Variants in RAX2 observed in about 807,000 individuals in gnomAD.
The protein encoded by RAX2 is retina and anterior neural fold homeobox protein 2.
Under a neutral mutation model 5.8 loss-of-function variants are expected in RAX2, and 4 were observed. That is an observed-to-expected ratio of 0.69 (90% CI 0.34 to 1.58). The LOEUF is 1.58. RAX2 is among the 40% of genes most tolerant of loss of function. The pLI, the probability that RAX2 is intolerant of heterozygous loss-of-function variation, is 0.05. For synonymous variants in RAX2, 133 were observed against 128.8 expected (o/e 1.03, Z -0.22); for missense variants, 275 against 271.4 (o/e 1.01, Z -0.09).
chr19:3,772,054 C>T, intron 1 of RAX2, 44 bp from the exon 2 acceptor site: 1 of 479,968 alleles, frequency 2.1e-6, no homozygotes, highest in Non-Finnish European at 3.9e-6. Context: ...GGATGCCCCC[C>T]CGTCAAGGAA....
At position 3,772,155 on chromosome 19, in the gene RAX2, G is replaced by A. The variant is rs886054370; in HGVS notation, c.-269+8C>T. ...ACCCAGGCCCACCAGTGCCCACCCC[G>A]CACTCACCGCCCACGGCAGCCCCTC... On this transcript the variant is annotated splice_region_variant and intron_variant, in intron 1 of 2. Transcript: ENST00000555633. 20 of 462,670 alleles carry A rather than the reference G, an allele frequency of 4.3e-5. No homozygotes were observed. Among genetic ancestry groups the A allele is most frequent in the Non-Finnish European group, 5.2e-5 (12 of 232,496 alleles). 28.7% of individuals were successfully genotyped at this position (462,670 alleles called of 1,614,324 possible).
chr19:3,771,705 C>T lies in RAX2; in HGVS notation c.38G>A (p.Gly13Asp). The T allele has an allele frequency of 2.5e-6, 4 of 1,610,324 alleles. No individual in the cohort carries two copies. Among genetic ancestry groups the T allele is most frequent in the Non-Finnish European group, 3.4e-6 (4 of 1,179,488 alleles). The change falls in exon 2 of 3, where the codon GGT becomes GAT. Residue 13 changes from glycine to aspartate, a missense_variant. Gly to Asp is a moderately conservative substitution (Grantham distance 94). Transcript: ENST00000555633. This position sits in a 1 kb window ranked among gnomAD's most constrained non-coding sequence, Gnocchi z 4.2. The stretch of plus-strand genomic sequence containing the variant: ...CTCCTCGCCCGGCCCCAGACCCCCA[C>T]CCTCGGTTGCCGGCCCCTCGCCCGG... ...LSPGEGPATEGGGLGPGEEAP... is the reference protein window; with the variant it reads ...LSPGEGPATEDGGLGPGEEAP...
rs769403788 is a variant in RAX2, at chr19:3,771,686, G to T, written c.57C>A (p.Gly19=). 1 of 1,612,154 alleles carries T rather than the reference G, an allele frequency of 6.2e-7. No individual in the cohort carries two copies. Among genetic ancestry groups the T allele is most frequent in the Non-Finnish European group, 8.5e-7 (1 of 1,179,864 alleles). The change falls in exon 2 of 3, where the codon GGC becomes GGA. Residue 19 remains glycine (G), a synonymous_variant. Coordinates refer to ENST00000555633, the MANE Select transcript of RAX2 (RefSeq NM_001319074.4). This position sits in a 1 kb window ranked among gnomAD's most constrained non-coding sequence, Gnocchi z 4.2. The stretch of plus-strand genomic sequence containing the variant: ...GGTGCTTCTTCTTGGGGGCCTCCTC[G>T]CCCGGCCCCAGACCCCCACCCTCGG... ...PATEGGGLGP[G]EEAPKKKHRR... is the part of the protein sequence containing the mutation.
At position 3,771,601 on chromosome 19, in the gene RAX2, C is replaced by A. The variant is rs770597544; in HGVS notation, c.142G>T (p.Ala48Ser). The part of the protein sequence containing the change: ...QLHQLERAFE[A>S]SHYPDVYSRE... ...CTGTACACATCCGGGTAGTGAGAGG[C>A]CTCGAACGCCCGCTCCAGCTGGTGC... Residue 48 changes from alanine (A) to serine (S), a missense_variant, in exon 2 of 3, where the codon GCC becomes TCC. Coordinates refer to ENST00000555633, the MANE Select transcript of RAX2 (RefSeq NM_001319074.4). The surrounding 1 kb of genome is among the most constrained non-coding windows in gnomAD (Gnocchi z 4.2). 6 of 1,612,090 alleles carry A rather than the reference C, an allele frequency of 3.7e-6. No homozygotes were observed. The Admixed American group carries it at 8.4e-5, about 22-fold the overall frequency.
At position 3,770,551 on chromosome 19, in the gene RAX2, G is replaced by C. The variant is rs112751250; in HGVS notation, c.*70C>G. The C allele has an allele frequency of 1.4e-6, 2 of 1,408,670 alleles. No homozygotes were observed. The highest frequency in any genetic ancestry group is 1.9e-6 in the Non-Finnish European group (2 of 1,042,124). 87.3% of individuals were successfully genotyped at this position (1,408,670 alleles called of 1,614,324 possible). A position where few individuals can be genotyped will look rare whatever the true frequency, so the allele number is the denominator to read the frequency against. On this transcript the variant is annotated 3_prime_UTR_variant, in exon 3 of 3. Transcript: ENST00000555633. ...TGACCTCGGCCTAGGCCAAGGCGTG[G>C]TGGCTGTCACCAGGGCACGTCCCCG...
Position 3,769,544 on chromosome 19 carries a change from T to G in RAX2, c.*1077A>C, listed in dbSNP as rs898071508. On this transcript the variant is annotated 3_prime_UTR_variant, in exon 3 of 3. Transcript: ENST00000555633. ...GGGTGACCTGGTGATCTGGGAGTGA[T>G]CTGGGGAGCCCAGGCTGGAGACGGG... is the stretch of plus-strand genomic sequence containing the variant. The G allele has an allele frequency of 3.3e-5, 5 of 150,612 alleles. No individual in the cohort carries two copies. Among genetic ancestry groups the G allele is most frequent in the African/African-American group, 1.3e-4 (5 of 39,734 alleles). 9.3% of individuals were successfully genotyped at this position (150,612 alleles called of 1,614,324 possible). A position where few individuals can be genotyped will look rare whatever the true frequency, so the allele number is the denominator to read the frequency against.
chr19:3,771,915 T>G lies in RAX2; in HGVS notation c.-173A>C. The stretch of plus-strand genomic sequence containing the variant: ...ATCCCCAGGCTGTCCTCCTCGGGCT[T>G]GGGGGGGTCTCCTGCTGTGCCTCTG... On this transcript the variant is annotated 5_prime_UTR_variant, in exon 2 of 3. Transcript: ENST00000555633. The surrounding 1 kb of genome is among the most constrained non-coding windows in gnomAD (Gnocchi z 4.2). The G allele has an allele frequency of 7.9e-7, 1 of 1,264,574 alleles. No individual in the cohort carries two copies. The highest frequency in any genetic ancestry group is 2.6e-5 in the East Asian group (1 of 39,000). The allele number at this position is 1,264,574 out of a possible 1,614,324, so 78.3% of individuals were successfully genotyped here. A position where few individuals can be genotyped will look rare whatever the true frequency, so the allele number is the denominator to read the frequency against.
At position 3,770,370 on chromosome 19, in the gene RAX2, T is replaced by G; in HGVS notation, c.*251A>C. ...GTCCCCGCACCTGGCCTGAGAATAC[T>G]TGGGTCACCTCCTGCCTGACACTGG... On this transcript the variant is annotated 3_prime_UTR_variant, in exon 3 of 3. Coordinates refer to ENST00000555633, the MANE Select transcript of RAX2 (RefSeq NM_001319074.4). 3.8e-6 allele frequency: 2 copies of G among 525,290 alleles called. No individual in the cohort carries two copies. The highest frequency in any genetic ancestry group is 6.7e-6 in the Non-Finnish European group (2 of 299,460). The allele number at this position is 525,290 out of a possible 1,614,324, so 32.5% of individuals were successfully genotyped here.
In RAX2 at chr19:3,770,577, G is replaced by A; in HGVS notation, c.*44C>T. On this transcript the variant is annotated 3_prime_UTR_variant, in exon 3 of 3. Transcript: ENST00000555633. ...TGGCTGTCACCAGGGCACGTCCCCG[G>A]TTCTCGGGTTGGGCCGAGGAGGGGG... 6.6e-7 allele frequency: 1 copy of A among 1,508,350 alleles called. No homozygotes were observed. The highest frequency in any genetic ancestry group is 8.9e-7 in the Non-Finnish European group (1 of 1,126,714). 93.4% of individuals were successfully genotyped at this position (1,508,350 alleles called of 1,614,324 possible).
chr19:3,770,891 C>G lies in RAX2; in HGVS notation c.285G>C (p.Val95=). 6.5e-7 allele frequency: 1 copy of G among 1,541,860 alleles called. No individual in the cohort carries two copies. The highest frequency in any genetic ancestry group is 8.7e-7 in the Non-Finnish European group (1 of 1,150,636). ...GGGCCTCGGGGAGTCTCGGAGCTGC[C>G]ACGGCACCCGAGCCTGACTCCAGCC... is the stretch of plus-strand genomic sequence containing the variant. ...QERLESGSGA[V]AAPRLPEAPA... is the part of the protein sequence containing the mutation. Residue 95 remains valine (V), a synonymous_variant, in exon 3 of 3, where the codon GTG becomes GTC. Transcript: ENST00000555633.
In RAX2 at chr19:3,772,210, C is replaced by T. The variant is rs576680324; in HGVS notation, c.-316G>A. ...GATTTCCACGGGACACCTGCCCCAG[C>T]GGGCCTGGCGCTGCGTCTGCTGTGG... On this transcript the variant is annotated 5_prime_UTR_variant, in exon 1 of 3. Transcript: ENST00000555633. The T allele has an allele frequency of 5.7e-4, 259 of 451,868 alleles. 1 individual carries two copies. The highest frequency in any genetic ancestry group is 1.3e-3 in the Middle Eastern group (4 of 3,036). 28.0% of individuals were successfully genotyped at this position (451,868 alleles called of 1,614,324 possible).
In RAX2 at chr19:3,770,930, C is replaced by G; in HGVS notation, c.246G>C (p.Trp82Cys). 6.4e-7 allele frequency: 1 copy of G among 1,562,406 alleles called. No individual in the cohort carries two copies. Among genetic ancestry groups the G allele is most frequent in the Admixed American group, 1.9e-5 (1 of 53,988 alleles). ...CTGACTCCAGCCGCTCCTGGCGGCG[C>G]CACTTGGCCCGGCGGTTCTGGAACC... ...QVWFQNRRAK[W>C]RRQERLESGS... The change falls in exon 3 of 3, where the codon TGG becomes TGC. Residue 82 changes from tryptophan (W) to cysteine (C), a missense_variant. Transcript: ENST00000555633.
In RAX2 at chr19:3,771,518, T is replaced by C. The variant is rs747374602; in HGVS notation, c.216+9A>G. 3 of 1,579,218 alleles carry C rather than the reference T, an allele frequency of 1.9e-6. No individual in the cohort carries two copies. The highest frequency in any genetic ancestry group is 1.3e-5 in the African/African-American group (1 of 74,440). On this transcript the variant is annotated intron_variant, in intron 2 of 2. Coordinates refer to ENST00000555633, the MANE Select transcript of RAX2 (RefSeq NM_001319074.4). The surrounding 1 kb of genome is among the most constrained non-coding windows in gnomAD (Gnocchi z 4.2). ...TGCAAAAGATGTGTGTGTTGGGGGG[T>C]GCCCTCACCTGCACGCGCACCTCAG...
Position 3,771,951 on chromosome 19 carries a change from C to T in RAX2, c.-209G>A. 1.1e-6 allele frequency: 1 copy of T among 875,334 alleles called. No individual in the cohort carries two copies. The allele number at this position is 875,334 out of a possible 1,614,324, so 54.2% of individuals were successfully genotyped here. ...CCTGCTGTGCCTCTGTCTGCTCTTCCTTCTCTCTGTGTGTGTCACCGTCCC... is the reference window on the plus strand; with the variant it reads ...CCTGCTGTGCCTCTGTCTGCTCTTCTTTCTCTCTGTGTGTGTCACCGTCCC... On this transcript the variant is annotated 5_prime_UTR_variant, in exon 2 of 3. Coordinates refer to ENST00000555633, the MANE Select transcript of RAX2 (RefSeq NM_001319074.4). The surrounding 1 kb of genome is among the most constrained non-coding windows in gnomAD (Gnocchi z 4.2).
chr19:3,770,365 A>G lies in RAX2; in HGVS notation c.*256T>C. ...AGGAGGTCCCCGCACCTGGCCTGAGAATACTTGGGTCACCTCCTGCCTGAC... is the reference window on the plus strand; with the variant it reads ...AGGAGGTCCCCGCACCTGGCCTGAGGATACTTGGGTCACCTCCTGCCTGAC... On this transcript the variant is annotated 3_prime_UTR_variant, in exon 3 of 3. Transcript: ENST00000555633. 1.9e-6 allele frequency: 1 copy of G among 518,610 alleles called. No individual in the cohort carries two copies. Among genetic ancestry groups the G allele is most frequent in the Non-Finnish European group, 3.4e-6 (1 of 295,666 alleles). 32.1% of individuals were successfully genotyped at this position (518,610 alleles called of 1,614,324 possible). A position where few individuals can be genotyped will look rare whatever the true frequency, so the allele number is the denominator to read the frequency against.
rs920064978 is a variant in RAX2 at position 3,772,008 on chromosome 19, G to A, written c.-266C>T. The A allele has an allele frequency of 1.4e-5, 8 of 556,782 alleles. No homozygotes were observed. Among genetic ancestry groups the A allele is most frequent in the East Asian group, 3.0e-5 (1 of 33,384 alleles). The allele number at this position is 556,782 out of a possible 1,614,324, so 34.5% of individuals were successfully genotyped here. ...CTCTTCCCCTCTCTGTGACTGTCAC[G>A]GCCTGTGTGTGTGTGTGTCGGCGGG... On this transcript the variant is annotated splice_region_variant and 5_prime_UTR_variant, in exon 2 of 3. Coordinates refer to ENST00000555633, the MANE Select transcript of RAX2 (RefSeq NM_001319074.4).
In RAX2 at chr19:3,770,686, C is replaced by A. The variant is rs1335805560; in HGVS notation, c.490G>T (p.Ala164Ser). The A allele has an allele frequency of 2.0e-6, 3 of 1,535,674 alleles. No individual in the cohort carries two copies. Among genetic ancestry groups the A allele is most frequent in the Non-Finnish European group, 1.7e-6 (2 of 1,146,470 alleles). The change falls in exon 3 of 3, where the codon GCG becomes TCG. Residue 164 changes from alanine (A) to serine (S), a missense_variant. Coordinates refer to ENST00000555633, the MANE Select transcript of RAX2 (RefSeq NM_001319074.4). ...TCCTTGGCCAGCAGCCGCAGGGACG[C>A]CTCCTCCAGGGCGAAGCCATCTGCG... ...TFADGFALEE[A>S]SLRLLAKEHA... is the part of the protein sequence containing the mutation.
rs1285669869 is a variant in RAX2 at position 3,770,612 on chromosome 19, G to T, written c.*9C>A. The T allele has an allele frequency of 2.0e-6, 3 of 1,531,320 alleles. No homozygotes were observed. The highest frequency in any genetic ancestry group is 1.7e-6 in the Non-Finnish European group (2 of 1,145,020). 94.9% of individuals were successfully genotyped at this position (1,531,320 alleles called of 1,614,324 possible). ...TGGGCCGAGGAGGGGGCCCGGGAGG[G>T]CGGCAGGCTCAGGCTGGCGGCCAGG... On this transcript the variant is annotated 3_prime_UTR_variant, in exon 3 of 3. Transcript: ENST00000555633.
Position 3,771,461 on chromosome 19 carries a change from G to A in RAX2, c.216+66C>T. ...TCTCTTCTGCTGTTGCTCCGGGAGG[G>A]TCAGGATCTTGCTTTGCCTCCCTCC... On this transcript the variant is annotated intron_variant, in intron 2 of 2. Coordinates refer to ENST00000555633, the MANE Select transcript of RAX2 (RefSeq NM_001319074.4). The surrounding 1 kb of genome is among the most constrained non-coding windows in gnomAD (Gnocchi z 4.2). 1 of 1,316,202 alleles carries A rather than the reference G, an allele frequency of 7.6e-7. No individual in the cohort carries two copies. The highest frequency in any genetic ancestry group is 1.1e-6 in the Non-Finnish European group (1 of 936,170). The allele number at this position is 1,316,202 out of a possible 1,614,324, so 81.5% of individuals were successfully genotyped here. A position where few individuals can be genotyped will look rare whatever the true frequency, so the allele number is the denominator to read the frequency against.
Sources: allele counts gnomAD v4.1 joint callset, GRCh38; gene constraint gnomAD v4.1.1; non-coding constraint Gnocchi (gnomAD v3.1); transcripts MANE v1.5; gene names NCBI Gene and HGNC (gene_info 2026-07-23, HGNC 2026-07-21).